Variants in ZMIZ2 observed in about 807,000 individuals in gnomAD.
ZMIZ2 encodes the protein zinc finger MIZ-type containing 2, also known as zinc finger MIZ domain-containing protein 2.
Under a neutral mutation model 93.9 loss-of-function variants are expected in ZMIZ2, and 26 were observed. The observed-to-expected ratio is 0.28, with a 90% confidence interval of 0.20 to 0.38. ZMIZ2 has a LOEUF of 0.38. ZMIZ2 is among the 10% of genes least tolerant of loss of function. The pLI is 1.00. For missense variants in ZMIZ2, 1,023 were observed against 1,235.0 expected (o/e 0.83, Z 2.57); for synonymous variants, 485 against 516.4 (o/e 0.94, Z 0.82).
In ZMIZ2 at chr7:44,766,299, C is replaced by T. The variant is rs534522206; in HGVS notation, c.2378C>T (p.Thr793Ile). The change falls in exon 17 of 19, where the codon ACT becomes ATT. Residue 793 changes from threonine to isoleucine, a missense_variant. This residue lies in a region of ZMIZ2 where 319 missense variants were observed against 358.8 expected (regional missense o/e 0.89). Transcript: ENST00000309315. This position sits in a 1 kb window ranked among gnomAD's most constrained non-coding sequence, Gnocchi z 4.4. Reference sequence around the variant, plus strand: ...TCTGACATTCCCAGCAGCCTCCTGACTTCAGAGAAGTCTACCGCCTGCCTC... The same window carrying T: ...TCTGACATTCCCAGCAGCCTCCTGATTTCAGAGAAGTCTACCGCCTGCCTC... ...YQSDIPSSLL[T>I]SEKSTACLPS... 1 of 1,597,334 alleles carries T rather than the reference C, an allele frequency of 6.3e-7. No homozygotes were observed. Among genetic ancestry groups the T allele is most frequent in the South Asian group, 1.1e-5 (1 of 88,064 alleles).
rs780823676 is a variant in ZMIZ2, at chr7:44,762,911, C to T, written c.1627C>T (p.Arg543Cys). The T allele has an allele frequency of 1.1e-5, 18 of 1,612,540 alleles. No individual in the cohort carries two copies. The highest frequency in any genetic ancestry group is 2.2e-5 in the South Asian group (2 of 91,038). ...CCTCTTCGTGCTGCAGCTAGTGCAC[C>T]GCCCATCCGTCCGCTCGGTGCTGCA... is the stretch of plus-strand genomic sequence containing the variant. Reference protein sequence around the residue: ...SHLFVLQLVHRPSVRSVLQGL... With the variant: ...SHLFVLQLVHCPSVRSVLQGL... The change falls in exon 12 of 19, where the codon CGC (arginine) becomes TGC (cysteine). Residue 543 changes from arginine to cysteine, a missense_variant. Around this residue, in one of 3 missense-constraint regions of ZMIZ2, gnomAD observed 656 missense variants for 777.1 expected, o/e 0.84. Transcript: ENST00000309315.
At chr7:44,764,053 G>A (rs1430435575) in intron 13 of ZMIZ2, among the ~76,000 whole-genome samples, 3 of 152,162 alleles carry the variant, frequency 2.0e-5, no homozygotes, top group Admixed American at 6.5e-5. Flanking sequence ...TAGGAGAATC[G>A]CTTGAACCTG....
intron 6 of ZMIZ2, among the ~76,000 whole-genome samples, chr7:44,758,748 TAAA>T (rs1037414211): frequency 6.0e-5 from 9 of 151,198 alleles, no homozygotes; most frequent in African/African-American, 1.9e-4. Context: ...CCATCTCTAA[TAAA>T]AATACAAAAA....
In ZMIZ2 at chr7:44,767,599, G is replaced by T; in HGVS notation, c.2739G>T (p.Leu913=). 1 of 1,614,124 alleles carries T rather than the reference G, an allele frequency of 6.2e-7. No individual in the cohort carries two copies. Among genetic ancestry groups the T allele is most frequent in the Non-Finnish European group, 8.5e-7 (1 of 1,180,004 alleles). The change falls in exon 19 of 19, where the codon CTG becomes CTT. Residue 913 remains leucine, a synonymous_variant. Transcript: ENST00000309315. ...PDLPTNNNDD[L]LSLFENN ...TCCCTACGAACAACAATGACGACCT[G>T]CTTTCTCTGTTTGAGAACAACTGAT...
At chr7:44,767,334 G>A (rs1476305324) in intron 18 of ZMIZ2, among the ~76,000 whole-genome samples, 182 bp from the exon 19 acceptor site, 1 of 152,150 alleles carries the variant, frequency 6.6e-6, no homozygotes, top group Non-Finnish European at 1.5e-5. Flanking sequence ...AGGGGGTGGC[G>A]TGTGCCTCTT....
chr7:44,762,781 C>A, intron 11 of ZMIZ2, 100 bp from the exon 12 acceptor site: 1 of 809,158 alleles, frequency 1.2e-6, no homozygotes. Context: ...CCCTCCCCCA[C>A]CTGGCAGCCC....
intron 1 of ZMIZ2, among the ~76,000 whole-genome samples, chr7:44,750,352 A>G (rs1583599801): frequency 6.6e-6 from 1 of 152,322 alleles, no homozygotes; most frequent in Non-Finnish European, 1.5e-5. Flanking sequence ...GTGGCCTTAC[A>G]GGTAGAGGGG....
At chr7:44,756,047 C>G (rs913219733) in intron 1 of ZMIZ2, 141 bp from the exon 2 acceptor site, 2 of 669,664 alleles carry the variant, frequency 3.0e-6, no homozygotes, top group Admixed American at 2.6e-5. Context: ...CTAGGCCCCT[C>G]CACTGCCTTG....
At chr7:44,756,728 C>A in intron 3 of ZMIZ2, 189 bp downstream of exon 3, 1 of 772,928 alleles carries the variant, frequency 1.3e-6, no homozygotes, top group Non-Finnish European at 2.1e-6. Flanking sequence ...TCTTTCCACA[C>A]CTGCTGTGGG....
intron 14 of ZMIZ2, 65 bp from the exon 15 acceptor site, chr7:44,764,876 C>A: frequency 6.4e-7 from 1 of 1,555,480 alleles, no homozygotes; most frequent in Non-Finnish European, 8.8e-7. Flanking sequence ...TGAGAAATGA[C>A]AGGGCCTGTG....
chr7:44,765,677 G>T lies in ZMIZ2; in HGVS notation c.2242+98G>T. Reference sequence around the variant, plus strand: ...TCACCTGCAAGAATGTGGCTATGCAGGTCACACACCTAGGTTATCAGTGTT... The same window carrying T: ...TCACCTGCAAGAATGTGGCTATGCATGTCACACACCTAGGTTATCAGTGTT... On this transcript the variant is annotated intron_variant, in intron 16 of 18. Coordinates refer to ENST00000309315, the MANE Select transcript of ZMIZ2 (RefSeq NM_031449.4). This position sits in a 1 kb window ranked among gnomAD's most constrained non-coding sequence, Gnocchi z 4.1. 1 of 1,494,840 alleles carries T rather than the reference G, an allele frequency of 6.7e-7. No homozygotes were observed. The highest frequency in any genetic ancestry group is 1.3e-5 in the South Asian group (1 of 78,802). The allele number at this position is 1,494,840 out of a possible 1,614,324, so 92.6% of individuals were successfully genotyped here. A position where few individuals can be genotyped will look rare whatever the true frequency, so the allele number is the denominator to read the frequency against.
At position 44,763,022 on chromosome 7, in the gene ZMIZ2, A is replaced by G. The variant is rs747901813; in HGVS notation, c.1702+36A>G. ...CCTGCCCCTCAGCTGCCAGGCAGCC[A>G]TCCCCATTCTGTGTGGCCCAAGCCC... On this transcript the variant is annotated intron_variant, in intron 12 of 18. Coordinates refer to ENST00000309315, the MANE Select transcript of ZMIZ2 (RefSeq NM_031449.4). This position sits in a 1 kb window ranked among gnomAD's most constrained non-coding sequence, Gnocchi z 5.6. The G allele has an allele frequency of 6.3e-7, 1 of 1,583,176 alleles. No individual in the cohort carries two copies. The highest frequency in any genetic ancestry group is 8.6e-7 in the Non-Finnish European group (1 of 1,159,394).
In ZMIZ2 at chr7:44,757,576, C is replaced by T. The variant is rs1235037345; in HGVS notation, c.552+15C>T. 1.7e-5 allele frequency: 26 copies of T among 1,573,624 alleles called. No homozygotes were observed. Among genetic ancestry groups the T allele is most frequent in the Non-Finnish European group, 2.2e-5 (26 of 1,157,452 alleles). ...AGTATGGAGCGGTGAGCCCCCTCAGCAGCTCCTCCCACATGGCAGCCAGCC... is the reference window on the plus strand; with the variant it reads ...AGTATGGAGCGGTGAGCCCCCTCAGTAGCTCCTCCCACATGGCAGCCAGCC... On this transcript the variant is annotated intron_variant, in intron 5 of 18. Transcript: ENST00000309315.
At chr7:44,750,647 GGTGCAGCT>G (rs1305931915) in intron 1 of ZMIZ2, among the ~76,000 whole-genome samples, 1 of 152,120 alleles carries the variant, frequency 6.6e-6, no homozygotes, top group African/African-American at 2.4e-5. Flanking sequence ...GAGACTTGGG[GGTGCAGCT>G]ACTCTGGGAC....
At position 44,766,171 on chromosome 7, in the gene ZMIZ2, C is replaced by T; in HGVS notation, c.2250C>T (p.Ser750=). The change falls in exon 17 of 19, where the codon AGC becomes AGT. Residue 750 remains serine (S), a synonymous_variant. Transcript: ENST00000309315. This position sits in a 1 kb window ranked among gnomAD's most constrained non-coding sequence, Gnocchi z 4.4. ...APSDYPGQGS[S]FLGPGTFPES... ...CCGACTCTCCTCTCACAGGTTCCAG[C>T]TTCCTGGGGCCTGGAACTTTCCCTG... is the stretch of plus-strand genomic sequence containing the variant. 6.2e-7 allele frequency: 1 copy of T among 1,611,632 alleles called. No individual in the cohort carries two copies. Among genetic ancestry groups the T allele is most frequent in the Non-Finnish European group, 8.5e-7 (1 of 1,179,028 alleles).
At chr7:44,756,920 C>G (rs762141319) in intron 3 of ZMIZ2, 27 bp from the exon 4 acceptor site, 33 of 1,610,252 alleles carry the variant, frequency 2.0e-5, no homozygotes, top group Non-Finnish European at 2.7e-5. Flanking sequence ...TGGCTGGTTC[C>G]CTTTGGTGAT....
At position 44,767,801 on chromosome 7, in the gene ZMIZ2, C is replaced by T. The variant is rs980557642; in HGVS notation, c.*178C>T. On this transcript the variant is annotated 3_prime_UTR_variant, in exon 19 of 19. Transcript: ENST00000309315. The stretch of plus-strand genomic sequence containing the variant: ...CCTGAATTGGAAGCAGCCCTGTGCT[C>T]GATGGGAGGGGCTCCCAGGCCGGCA... 1.6e-4 allele frequency: 101 copies of T among 623,968 alleles called. No homozygotes were observed. Among genetic ancestry groups the T allele is most frequent in the South Asian group, 2.5e-4 (13 of 52,432 alleles). The allele number at this position is 623,968 out of a possible 1,614,324, so 38.7% of individuals were successfully genotyped here. A position where few individuals can be genotyped will look rare whatever the true frequency, so the allele number is the denominator to read the frequency against.
chr7:44,751,954 T>C (rs1186582529), intron 1 of ZMIZ2, among the ~76,000 whole-genome samples: 1 of 151,040 alleles, frequency 6.6e-6, no homozygotes, highest in Non-Finnish European at 1.5e-5. Context: ...AGAGCAAGAT[T>C]CCATCTCAAA....
rs371378597 is a variant in ZMIZ2 at position 44,761,702 on chromosome 7, C to T, written c.1393C>T (p.Leu465=). Residue 465 remains leucine (L), a synonymous_variant, in exon 11 of 19, where the codon CTG becomes TTG. Coordinates refer to ENST00000309315, the MANE Select transcript of ZMIZ2 (RefSeq NM_031449.4). This position sits in a 1 kb window ranked among gnomAD's most constrained non-coding sequence, Gnocchi z 5.8. ...ACCCATCTTCCTGAGCAGGCCTGACCTGGAGCTGCAATTCAAGTGCTACCA... is the reference window on the plus strand; with the variant it reads ...ACCCATCTTCCTGAGCAGGCCTGACTTGGAGCTGCAATTCAAGTGCTACCA... ...VYKTLIMRPD[L]ELQFKCYHHE... is the part of the protein sequence containing the mutation. The T allele has an allele frequency of 8.2e-5, 132 of 1,613,992 alleles. No homozygotes were observed. The highest frequency in any genetic ancestry group is 2.2e-4 in the Admixed American group (13 of 60,000).
Sources: gnomAD v4.1 joint callset for allele counts (sites outside exome capture counted in the v4.1 genomes callset) on GRCh38, gnomAD v4.1.1 for gene constraint, gnomAD v4.1.1 regional missense constraint, Gnocchi (gnomAD v3.1) non-coding constraint, MANE v1.5 for transcripts, NCBI Gene and HGNC (gene_info 2026-07-23, HGNC 2026-07-21) for gene names.